EYS: variants seen among roughly 807,000 people sequenced by gnomAD.
The protein encoded by EYS is protein eyes shut homolog.
EYS carries 250 observed loss-of-function variants against 282.1 expected under a neutral mutation model. The ratio of observed to expected loss-of-function variants is 0.89; its 90% CI spans 0.80 to 0.98. The LOEUF (loss-of-function observed/expected upper bound fraction) is 0.98, where lower values mean the gene tolerates loss of function less well. Among genes scored for constraint, EYS ranks in the 50% least tolerant of loss-of-function variants. The probability of loss-of-function intolerance (pLI) is 0.00; values close to 1 mark genes in which losing one functional copy is unlikely to be tolerated. For synonymous variants in EYS, 1,355 were observed against 1,282.9 expected (o/e 1.06, Z -1.20); for missense variants, 4,016 against 3,709.0 (o/e 1.08, Z -2.15).
chr6:64,373,753 C>A (rs1292271682), intron 29 of EYS, among the ~76,000 whole-genome samples: 4 of 152,100 alleles, frequency 2.6e-5, no homozygotes, highest in Non-Finnish European at 5.9e-5. Flanking sequence ...GAAGTCTATG[C>A]CTGCCAGCTA....
intron 33 of EYS, among the ~76,000 whole-genome samples, chr6:64,038,391 T>G (rs141325738): frequency 0.011 from 1,606 of 152,288 alleles, 30 homozygotes; most frequent in African/African-American, 0.036. Context: ...CATCCCATAA[T>G]GTATGTGTAC....
At chr6:64,538,696 C>A (rs186885142) in intron 26 of EYS, among the ~76,000 whole-genome samples, 77 of 152,160 alleles carry the variant, frequency 5.1e-4, no homozygotes, top group Admixed American at 7.9e-4. Flanking sequence ...CCAAGGACTG[C>A]AATAAATGCT....
chr6:63,898,653 A>G (rs1372095954), intron 35 of EYS, among the ~76,000 whole-genome samples: 1 of 152,172 alleles, frequency 6.6e-6, no homozygotes, highest in Non-Finnish European at 1.5e-5. Context: ...GAAGTAACAC[A>G]GAAATTTATA....
intron 22 of EYS, among the ~76,000 whole-genome samples, chr6:64,657,464 A>C: frequency 6.6e-6 from 1 of 152,140 alleles, no homozygotes; most frequent in Non-Finnish European, 1.5e-5. Flanking sequence ...GGTCTTTACA[A>C]TTTGGCATGT....
At chr6:65,223,495 G>A (rs1337946834) in intron 12 of EYS, among the ~76,000 whole-genome samples, 1 of 152,166 alleles carries the variant, frequency 6.6e-6, no homozygotes, top group Non-Finnish European at 1.5e-5. Context: ...GTGGAGATAA[G>A]TGGTCTATAT....
At chr6:64,866,105 A>C (rs1423363023) in intron 19 of EYS, among the ~76,000 whole-genome samples, 1 of 151,998 alleles carries the variant, frequency 6.6e-6, no homozygotes, top group East Asian at 1.9e-4. Flanking sequence ...TTTTATTACC[A>C]TATTACATTT....
chr6:64,933,540 G>A (rs185214742), intron 15 of EYS, among the ~76,000 whole-genome samples: 189 of 152,156 alleles, frequency 1.2e-3, no homozygotes, highest in Non-Finnish European at 2.3e-3. Flanking sequence ...TGGTGGGAGT[G>A]TAAATTAGTT....
chr6:64,458,066 C>T (rs529145438), intron 26 of EYS, among the ~76,000 whole-genome samples: 7 of 152,012 alleles, frequency 4.6e-5, no homozygotes, highest in Non-Finnish European at 4.4e-5. Context: ...AATCTCTACA[C>T]TTTGACTCCA....
intron 5 of EYS, among the ~76,000 whole-genome samples, chr6:65,420,296 T>C (rs1767405374): frequency 6.6e-6 from 1 of 152,016 alleles, no homozygotes; most frequent in Non-Finnish European, 1.5e-5. Context: ...TGTTGTAACT[T>C]CAACAATGTT....
chr6:64,582,822 T>C (rs565616110), intron 26 of EYS, among the ~76,000 whole-genome samples: 2 of 152,222 alleles, frequency 1.3e-5, no homozygotes, highest in African/African-American at 4.8e-5. Context: ...TAGTACAAAC[T>C]AGCACAACAC....
intron 36 of EYS, among the ~76,000 whole-genome samples, chr6:63,807,151 T>G (rs1770927482): frequency 6.6e-6 from 1 of 152,182 alleles, no homozygotes; most frequent in South Asian, 2.1e-4. Flanking sequence ...CTCCACTGGT[T>G]TTTTAAATCT....
intron 37 of EYS, among the ~76,000 whole-genome samples, chr6:63,791,774 T>C (rs1770520762): frequency 6.6e-6 from 1 of 152,098 alleles, no homozygotes; most frequent in Non-Finnish European, 1.5e-5. Flanking sequence ...GAGAAGTGTA[T>C]TAGATCTGGA....
intron 5 of EYS, among the ~76,000 whole-genome samples, chr6:65,488,178 T>C (rs1765884192): frequency 6.6e-6 from 1 of 152,168 alleles, no homozygotes; most frequent in Non-Finnish European, 1.5e-5. Context: ...TCTCCTTCAG[T>C]TCTGCTCTGA....
intron 13 of EYS, among the ~76,000 whole-genome samples, chr6:65,041,837 A>G (rs1054258407): frequency 1.3e-5 from 2 of 151,538 alleles, no homozygotes; most frequent in Admixed American, 1.3e-4. Context: ...CTCCAGCTCC[A>G]GTACAAATTT....
At chr6:64,387,670 T>C (rs1772958336) in intron 29 of EYS, among the ~76,000 whole-genome samples, 1 of 152,120 alleles carries the variant, frequency 6.6e-6, no homozygotes, top group African/African-American at 2.4e-5. Flanking sequence ...TGGTTTCATT[T>C]ACGAAAAAGT....
chr6:65,664,080 C>T (rs190189452), intron 1 of EYS, among the ~76,000 whole-genome samples: 1 of 151,936 alleles, frequency 6.6e-6, no homozygotes, highest in Non-Finnish European at 1.5e-5. Context: ...CCGTGTTAGC[C>T]GTGATGGTCT....
chr6:65,488,352 C>A (rs1323414993), intron 5 of EYS, among the ~76,000 whole-genome samples: 1 of 152,052 alleles, frequency 6.6e-6, no homozygotes, highest in African/African-American at 2.4e-5. Context: ...TCAATGTGTC[C>A]CAGAGATTCT....
chr6:63,831,761 A>G (rs1355128794), intron 36 of EYS, among the ~76,000 whole-genome samples: 1 of 152,226 alleles, frequency 6.6e-6, no homozygotes, highest in Non-Finnish European at 1.5e-5. Context: ...AACAGAATAT[A>G]CATTCTTCTC....
rs552596963 is a variant in EYS, at chr6:65,698,118, G to A, written c.-448+9017C>T. ...GGAAGGAATGTATTATTTCAAATAC[G>A]GTATCTGGGAAATACTTATTTGTCT... On this transcript the variant is annotated intron_variant, in intron 1 of 42. Transcript: ENST00000503581. 1.4e-4 allele frequency among the ~76,000 whole-genome samples: 21 copies of A among 152,018 alleles called. No individual in the cohort carries two copies. The East Asian group carries it at 2.1e-3, about 15-fold the overall frequency.
Sources: gnomAD v4.1 joint callset for allele counts (sites outside exome capture counted in the v4.1 genomes callset) on GRCh38, gnomAD v4.1.1 for gene constraint, MANE v1.5 for transcripts, NCBI Gene and HGNC (gene_info 2026-07-23, HGNC 2026-07-21) for gene names.